The following BLVRA variants were observed in gnomAD, a reference collection of about 807,000 sequenced individuals.
BLVRA encodes the protein BVR A.
BLVRA carries 22 observed loss-of-function variants against 32.8 expected under a neutral mutation model. The ratio of observed to expected loss-of-function variants is 0.67; its 90% CI spans 0.48 to 0.96. The LOEUF is 0.96. Among genes scored for constraint, BLVRA ranks in the 40% least tolerant of loss-of-function variants. The probability of loss-of-function intolerance (pLI) is 0.00; values close to 1 mark genes in which losing one functional copy is unlikely to be tolerated. For synonymous variants in BLVRA, 119 were observed against 141.3 expected, an observed-to-expected ratio of 0.84 and a Z score of 1.12; for missense variants, 323 against 358.1, an observed-to-expected ratio of 0.90 and a Z score of 0.79.
At chr7:43,783,279 G>T (rs1376182092) in intron 2 of BLVRA, among the ~76,000 whole-genome samples, 1 of 152,310 alleles carries the variant, frequency 6.6e-6, no homozygotes, top group Non-Finnish European at 1.5e-5. Context: ...GCAAGAGCAT[G>T]TCGCCAGTTT....
At chr7:43,777,930 C>T (rs537713331) in intron 2 of BLVRA, among the ~76,000 whole-genome samples, 5 of 152,316 alleles carry the variant, frequency 3.3e-5, no homozygotes, top group East Asian at 1.9e-4. Context: ...TCCAGTTGAT[C>T]GCATTGGCTC....
At chr7:43,763,064 G>A (rs1010071544) in intron 1 of BLVRA, among the ~76,000 whole-genome samples, 1 of 152,178 alleles carries the variant, frequency 6.6e-6, no homozygotes, top group Non-Finnish European at 1.5e-5. Context: ...ACAGTGAAAA[G>A]CATAAAAATG....
In BLVRA at chr7:43,803,866, T is replaced by C. The variant is rs755445570; in HGVS notation, c.632+19T>C. 6 of 1,613,028 alleles carry C rather than the reference T, an allele frequency of 3.7e-6. No homozygotes were observed. Among genetic ancestry groups the C allele is most frequent in the South Asian group, 3.3e-5 (3 of 91,046 alleles). On this transcript the variant is annotated intron_variant, in intron 7 of 7. Transcript: ENST00000265523. The stretch of plus-strand genomic sequence containing the variant: ...AGAAAAGGTAAGTCATGAGAAGCCA[T>C]GAGGAGGAGGAAATTTAAGGACATC...
intron 1 of BLVRA, among the ~76,000 whole-genome samples, chr7:43,761,313 G>C (rs2095742002): frequency 6.6e-6 from 1 of 152,070 alleles, no homozygotes; most frequent in Non-Finnish European, 1.5e-5. Flanking sequence ...GAAAGTATAA[G>C]TACAAGAAAC....
At chr7:43,793,451 A>T (rs1050306879) in intron 5 of BLVRA, among the ~76,000 whole-genome samples, 2 of 152,126 alleles carry the variant, frequency 1.3e-5, no homozygotes, top group African/African-American at 4.8e-5. Flanking sequence ...TTAAGTTCAC[A>T]TTTGTTCCCC....
At chr7:43,761,204 C>T (rs1186522622) in intron 1 of BLVRA, among the ~76,000 whole-genome samples, 2 of 152,084 alleles carry the variant, frequency 1.3e-5, no homozygotes, top group Non-Finnish European at 2.9e-5. Flanking sequence ...AGTACAATGC[C>T]CCAAATTGAT....
At chr7:43,774,454 T>G (rs1261001665) in intron 2 of BLVRA, among the ~76,000 whole-genome samples, 1 of 152,202 alleles carries the variant, frequency 6.6e-6, no homozygotes, top group Non-Finnish European at 1.5e-5. Context: ...GTTGTAGATA[T>G]GCGGCATTAT....
At chr7:43,784,707 G>A (rs1027246790) in intron 2 of BLVRA, among the ~76,000 whole-genome samples, 4 of 148,714 alleles carry the variant, frequency 2.7e-5, no homozygotes, top group African/African-American at 7.5e-5. Flanking sequence ...CGGTTCAAGC[G>A]ATTCTCCTGC....
intron 2 of BLVRA, among the ~76,000 whole-genome samples, chr7:43,777,161 A>G (rs1469596455): frequency 1.3e-5 from 2 of 151,518 alleles, no homozygotes; most frequent in East Asian, 1.9e-4. Flanking sequence ...TAATATTGTT[A>G]TGTGTGAATT....
Position 43,762,606 on chromosome 7 carries a change from CT to C in BLVRA, c.-22+3895del, listed in dbSNP as rs1162480081. On this transcript the variant is annotated intron_variant, in intron 1 of 7. Coordinates refer to ENST00000265523, the MANE Select transcript of BLVRA (RefSeq NM_000712.4). ...GTGATTTCCATGAACCCAGTAGTTC[CT>C]TTTTTTTTTTTTTTTTTTTTTTAAG... is the stretch of plus-strand genomic sequence containing the variant. Among the ~76,000 whole-genome samples the C allele has an allele frequency of 6.9e-3, 698 of 100,858 alleles. 4 individuals carry two copies. The highest frequency in any genetic ancestry group is 0.016 in the East Asian group (52 of 3,186). The allele number at this position is 100,858 out of a possible 152,430, so 66.2% of individuals were successfully genotyped here.
In BLVRA at chr7:43,806,861, G is replaced by A. The variant is rs1387317541; in HGVS notation, c.633-116G>A. The A allele has an allele frequency of 2.5e-6, 3 of 1,190,278 alleles. No individual in the cohort carries two copies. The African/African-American group carries it at 4.5e-5, about 18-fold the overall frequency. 73.7% of individuals were successfully genotyped at this position (1,190,278 alleles called of 1,614,324 possible). A position where few individuals can be genotyped will look rare whatever the true frequency, so the allele number is the denominator to read the frequency against. On this transcript the variant is annotated intron_variant, in intron 7 of 7. Coordinates refer to ENST00000265523, the MANE Select transcript of BLVRA (RefSeq NM_000712.4). ...CACAGCCTCTGGGAGGCTGGTGGCT[G>A]CAAGGAGGATGGGTGCCTGACAAGG...
At chr7:43,772,403 G>C (rs1050340499) in intron 2 of BLVRA, among the ~76,000 whole-genome samples, 2 of 152,224 alleles carry the variant, frequency 1.3e-5, no homozygotes, top group African/African-American at 4.8e-5. Flanking sequence ...GCCAGAATCA[G>C]GTCCTGGACC....
At chr7:43,801,946 C>CCAA (rs1367512121) in intron 6 of BLVRA, among the ~76,000 whole-genome samples, 2 of 151,854 alleles carry the variant, frequency 1.3e-5, no homozygotes, top group African/African-American at 2.4e-5. Flanking sequence ...ACCAGTCTGG[C>CCAA]CAACATGGTG....
chr7:43,783,670 C>T (rs1276804753), intron 2 of BLVRA, among the ~76,000 whole-genome samples: 1 of 152,102 alleles, frequency 6.6e-6, no homozygotes, highest in Non-Finnish European at 1.5e-5. Context: ...GTTGGATTTA[C>T]CAGAACAAAG....
chr7:43,806,855 G>A (rs900797146), intron 7 of BLVRA, 122 bp from the exon 8 acceptor site: 1 of 1,098,494 alleles, frequency 9.1e-7, no homozygotes, highest in African/African-American at 1.6e-5. Flanking sequence ...TGGGAGGCTG[G>A]TGGCTGCAAG....
At chr7:43,770,687 T>A (rs1387963460) in intron 1 of BLVRA, among the ~76,000 whole-genome samples, 1 of 152,124 alleles carries the variant, frequency 6.6e-6, no homozygotes, top group African/African-American at 2.4e-5. Context: ...CTTGGACTAT[T>A]CTTTGAACAT....
intron 5 of BLVRA, among the ~76,000 whole-genome samples, chr7:43,796,002 G>T (rs1180891911): frequency 6.6e-6 from 1 of 151,656 alleles, no homozygotes; most frequent in Non-Finnish European, 1.5e-5. Context: ...TACTCGGGAG[G>T]CTGAGACAGG....
intron 1 of BLVRA, among the ~76,000 whole-genome samples, chr7:43,759,585 T>C (rs1379970126): frequency 6.6e-6 from 1 of 152,178 alleles, no homozygotes; most frequent in Non-Finnish European, 1.5e-5. Flanking sequence ...CCCTGAAGAA[T>C]AAGTGACTTA....
intron 5 of BLVRA, 57 bp downstream of exon 5, chr7:43,792,869 G>A (rs1346795226): frequency 6.5e-7 from 1 of 1,539,116 alleles, no homozygotes; most frequent in East Asian, 2.3e-5. Flanking sequence ...TCATCTTTAT[G>A]CCTTTAAAAC....
Sources: gnomAD v4.1 joint callset for allele counts (sites outside exome capture counted in the v4.1 genomes callset) on GRCh38, gnomAD v4.1.1 for gene constraint, MANE v1.5 for transcripts, NCBI Gene and HGNC (gene_info 2026-07-23, HGNC 2026-07-21) for gene names.